The following MS4A4E variants were observed in gnomAD, a reference collection of about 807,000 sequenced individuals.
The protein encoded by MS4A4E is membrane spanning 4-domains A4E.
MS4A4E carries 23 observed loss-of-function variants against 13.3 expected under a neutral mutation model. That is an observed-to-expected ratio of 1.73 (90% CI 1.25 to 2.45). MS4A4E has a LOEUF of 2.45. Ranked by LOEUF, MS4A4E falls within the 30% of genes most tolerant of loss-of-function variation. The pLI is 0.00. For missense variants in MS4A4E, 144 were observed against 131.2 expected, an observed-to-expected ratio of 1.10 and a Z score of -0.48; for synonymous variants, 36 against 45.6, an observed-to-expected ratio of 0.79 and a Z score of 0.85.
chr11:60,207,522 AGTG>A, intron 6 of MS4A4E, among the ~76,000 whole-genome samples: 1 of 152,236 alleles, frequency 6.6e-6, no homozygotes, highest in African/African-American at 2.4e-5. Context: ...GTTGTCGGGG[AGTG>A]GGATATGGTA....
At chr11:60,236,249 T>A (rs2084480977) in intron 1 of MS4A4E, among the ~76,000 whole-genome samples, 1 of 152,218 alleles carries the variant, frequency 6.6e-6, no homozygotes, top group African/African-American at 2.4e-5. Flanking sequence ...TGCACCAAAC[T>A]ATTTTTCTCT....
chr11:60,201,779 C>T lies in MS4A4E; in HGVS notation c.760G>A (p.Val254Met), dbSNP rs2083993652. The part of the protein sequence containing the change: ...PPSRLPWPPK[V>M]PRVQPLPGRH... ...CCGGGCAGAGGCTGCACTCTCGGCACTTTGGGAGGCCAAGGCAGGCGGCTG... is the reference window on the plus strand; with the variant it reads ...CCGGGCAGAGGCTGCACTCTCGGCATTTTGGGAGGCCAAGGCAGGCGGCTG... The change falls in exon 9 of 9, where the codon GTG becomes ATG. Residue 254 changes from valine to methionine, a missense_variant. Physicochemically the swap from Val to Met is conservative, Grantham distance 21 (BLOSUM62 1). This residue lies in a region of MS4A4E where 21 missense variants were observed against 25.1 expected (regional missense o/e 0.84). Coordinates refer to ENST00000651255, the MANE Select transcript of MS4A4E (RefSeq NM_001393391.1). 1 of 226,668 alleles carries T rather than the reference C, an allele frequency of 4.4e-6. No homozygotes were observed. The highest frequency in any genetic ancestry group is 9.0e-6 in the Non-Finnish European group (1 of 111,584). The allele number at this position is 226,668 out of a possible 1,614,324, so 14.0% of individuals were successfully genotyped here.
rs79487981 is a variant in MS4A4E, at chr11:60,240,072, G to A, written c.-17+2886C>T. 7.4e-3 allele frequency among the ~76,000 whole-genome samples: 1,132 copies of A among 152,322 alleles called. 15 individuals are homozygous for A. The highest frequency in any genetic ancestry group is 0.037 in the Middle Eastern group (11 of 294). On this transcript the variant is annotated intron_variant, in intron 1 of 8. Coordinates refer to ENST00000651255, the MANE Select transcript of MS4A4E (RefSeq NM_001393391.1). Reference sequence around the variant, plus strand: ...CTCAAAATTTATCTTTCAGATAAAGGAAGGTGGCACAAGGAATATTATGTG... The same window carrying A: ...CTCAAAATTTATCTTTCAGATAAAGAAAGGTGGCACAAGGAATATTATGTG...
chr11:60,218,613 C>T (rs1025588965), intron 3 of MS4A4E, among the ~76,000 whole-genome samples: 5 of 151,918 alleles, frequency 3.3e-5, no homozygotes, highest in Non-Finnish European at 4.4e-5. Context: ...GCAGGTTCCC[C>T]GATAGTGATG....
At chr11:60,241,184 T>C (rs1473910735) in intron 1 of MS4A4E, among the ~76,000 whole-genome samples, 1 of 152,070 alleles carries the variant, frequency 6.6e-6, no homozygotes, top group Non-Finnish European at 1.5e-5. Flanking sequence ...CCACCACGCC[T>C]GGCTAATTTT....
intron 1 of MS4A4E, among the ~76,000 whole-genome samples, chr11:60,233,800 GA>G (rs1159747133): frequency 6.6e-6 from 1 of 152,180 alleles, no homozygotes; most frequent in Non-Finnish European, 1.5e-5. Flanking sequence ...CCCAATTAGG[GA>G]TATGCCTAGT....
At chr11:60,215,870 T>A (rs1468004768) in intron 3 of MS4A4E, among the ~76,000 whole-genome samples, 1 of 152,130 alleles carries the variant, frequency 6.6e-6, no homozygotes, top group Non-Finnish European at 1.5e-5. Context: ...TATACAGAAA[T>A]TAGATAAACA....
At chr11:60,230,558 C>T (rs1023313316) in intron 1 of MS4A4E, among the ~76,000 whole-genome samples, 1 of 152,132 alleles carries the variant, frequency 6.6e-6, no homozygotes, top group Admixed American at 6.6e-5. Flanking sequence ...TCCCATGTAA[C>T]CTTGTATTTT....
At chr11:60,228,513 C>G in intron 3 of MS4A4E, 81 bp downstream of exon 3, 5 of 594,710 alleles carry the variant, frequency 8.4e-6, no homozygotes, top group Non-Finnish European at 1.5e-5. Context: ...TTCAAAATTG[C>G]AAAGTAACAG....
chr11:60,232,278 G>T (rs80223119), intron 1 of MS4A4E, among the ~76,000 whole-genome samples: 6,894 of 61,664 alleles, frequency 0.11, 226 homozygotes, highest in Middle Eastern at 0.15. Flanking sequence ...TAACCTCATC[G>T]CCATCAACAC....
chr11:60,232,321 A>ACACACC (rs556719466), intron 1 of MS4A4E, among the ~76,000 whole-genome samples: 12,466 of 147,374 alleles, frequency 0.085, 558 homozygotes, highest in South Asian at 0.11. Flanking sequence ...ACACACACAC[A>ACACACC]CCAAAAATGA....
At chr11:60,211,747 C>T (rs1351283019) in intron 5 of MS4A4E, among the ~76,000 whole-genome samples, 2 of 152,052 alleles carry the variant, frequency 1.3e-5, no homozygotes, top group African/African-American at 2.4e-5. Flanking sequence ...ACCCCGTCTC[C>T]ACTAAAAATA....
chr11:60,219,949 C>T (rs937995895), intron 3 of MS4A4E, among the ~76,000 whole-genome samples: 9 of 147,764 alleles, frequency 6.1e-5, no homozygotes, highest in African/African-American at 2.3e-4. Context: ...CATTCATTTC[C>T]CCAGTGCCAG....
chr11:60,213,037 A>G lies in MS4A4E; in HGVS notation c.318T>C (p.Arg106=). 1 of 451,076 alleles carries G rather than the reference A, an allele frequency of 2.2e-6. No individual in the cohort carries two copies. The highest frequency in any genetic ancestry group is 3.9e-6 in the Non-Finnish European group (1 of 256,602). 27.9% of individuals were successfully genotyped at this position (451,076 alleles called of 1,614,324 possible). A position where few individuals can be genotyped will look rare whatever the true frequency, so the allele number is the denominator to read the frequency against. ...NAISLTFYSF[R]YHYCNHDQLS... ...ACTGATCGTGGTTACAGTAATGGTAACGGAATGAATAAAACGTCAAGCTTA... is the reference window on the plus strand; with the variant it reads ...ACTGATCGTGGTTACAGTAATGGTAGCGGAATGAATAAAACGTCAAGCTTA... Residue 106 remains arginine, a synonymous_variant, in exon 5 of 9, where the codon CGT becomes CGC. Transcript: ENST00000651255.
intron 1 of MS4A4E, among the ~76,000 whole-genome samples, chr11:60,230,355 C>CA (rs1244375629): frequency 3.3e-5 from 5 of 152,124 alleles, no homozygotes. Flanking sequence ...CTTCAAATCC[C>CA]AAGTCTGCTC....
At chr11:60,208,201 G>C (rs1171439639) in intron 6 of MS4A4E, among the ~76,000 whole-genome samples, 1 of 152,036 alleles carries the variant, frequency 6.6e-6, no homozygotes, top group Non-Finnish European at 1.5e-5. Context: ...TTGACTTTCA[G>C]TTTATAAAAA....
chr11:60,226,355 A>G (rs938142220), intron 3 of MS4A4E, among the ~76,000 whole-genome samples: 1 of 152,018 alleles, frequency 6.6e-6, no homozygotes, highest in African/African-American at 2.4e-5. Context: ...GCAGACCAAC[A>G]TCTCTGGTGA....
intron 1 of MS4A4E, among the ~76,000 whole-genome samples, chr11:60,240,446 C>T (rs2084534796): frequency 6.6e-6 from 1 of 152,034 alleles, no homozygotes; most frequent in Non-Finnish European, 1.5e-5. Flanking sequence ...TCAACCCACC[C>T]CTGACTTTGT....
chr11:60,221,804 G>A (rs2084273461), intron 3 of MS4A4E, among the ~76,000 whole-genome samples: 1 of 152,226 alleles, frequency 6.6e-6, no homozygotes, highest in African/African-American at 2.4e-5. Flanking sequence ...GTCAAAAACT[G>A]TGAAGATATT....
Sources: gnomAD v4.1 joint callset for allele counts (sites outside exome capture counted in the v4.1 genomes callset) on GRCh38, gnomAD v4.1.1 for gene constraint, gnomAD v4.1.1 regional missense constraint, MANE v1.5 for transcripts, NCBI Gene and HGNC (gene_info 2026-07-23, HGNC 2026-07-21) for gene names.